Variants in ZNF347 observed in about 807,000 individuals in gnomAD.
ZNF347 encodes CTD-2620I22.7.
A neutral mutation model predicts 12.9 loss-of-function variants in ZNF347; 19 were observed. That is an observed-to-expected ratio of 1.47 (90% CI 1.03 to 2.16). The LOEUF (loss-of-function observed/expected upper bound fraction) is 2.16, where lower values mean the gene tolerates loss of function less well. Among genes scored for constraint, ZNF347 ranks in the 30% most tolerant of loss-of-function variants. ZNF347 has a pLI of 0.00. For synonymous variants in ZNF347, 328 were observed against 340.6 expected (o/e 0.96, Z 0.41); for missense variants, 1,005 against 990.6 (o/e 1.01, Z -0.19).
At chr19:53,148,978 A>G (rs2090480645) in intron 3 of ZNF347, 169 bp from the exon 4 acceptor site, 1 of 1,091,520 alleles carries the variant, frequency 9.2e-7, no homozygotes, top group Non-Finnish European at 1.3e-6. Flanking sequence ...ATATGCAAAT[A>G]TATAGCTCTC....
At chr19:53,148,136 A>C (rs148034979) in intron 4 of ZNF347, among the ~76,000 whole-genome samples, 1,916 of 152,312 alleles carry the variant, frequency 0.013, 46 homozygotes, top group African/African-American at 0.044. Context: ...TATTCAACAT[A>C]GCATTGATGT....
chr19:53,155,447 C>T (rs1398656588), intron 1 of ZNF347, among the ~76,000 whole-genome samples: 1 of 151,942 alleles, frequency 6.6e-6, no homozygotes, highest in Non-Finnish European at 1.5e-5. Context: ...ATTCTCTCAC[C>T]TCAGCCTTGC....
At chr19:53,143,909 T>C (rs928073788) in intron 4 of ZNF347, among the ~76,000 whole-genome samples, 27 of 152,338 alleles carry the variant, frequency 1.8e-4, no homozygotes, top group Non-Finnish European at 3.4e-4. Flanking sequence ...GACTTTTTAA[T>C]GATCGCCATT....
At chr19:53,151,487 G>A (rs972568215) in intron 2 of ZNF347, among the ~76,000 whole-genome samples, 8 of 145,206 alleles carry the variant, frequency 5.5e-5, no homozygotes, top group African/African-American at 2.1e-4. Context: ...GCAGTGAACC[G>A]AGACTGTGCC....
intron 1 of ZNF347, among the ~76,000 whole-genome samples, chr19:53,154,019 C>T (rs2090515653): frequency 6.6e-6 from 1 of 152,114 alleles, no homozygotes; most frequent in African/African-American, 2.4e-5. Context: ...CCCCTTTCTT[C>T]AGAACCCACT....
chr19:53,146,696 A>C (rs2090465516), intron 4 of ZNF347, among the ~76,000 whole-genome samples: 7 of 152,190 alleles, frequency 4.6e-5, no homozygotes, highest in Admixed American at 4.6e-4. Flanking sequence ...AAAACATTAG[A>C]ACTGATACCA....
At position 53,142,430 on chromosome 19, in the gene ZNF347, TC is replaced by T. The variant is rs770939021; in HGVS notation, c.397del (p.Glu133LysfsTer25). On this transcript the variant is annotated frameshift_variant, in exon 5 of 5. Transcript: ENST00000334197. LOFTEE classifies it low-confidence loss of function (END_TRUNC). ...SQDIEGCSFR[E>X]VQKNTHGLEY... ...AAGGCCATGTGTATTTTTCTGGACT[TC>T]CCTGAAGGAACATCCTTCAATGTCT... is the stretch of plus-strand genomic sequence containing the variant. 217 of 1,614,030 alleles carry T rather than the reference TC, an allele frequency of 1.3e-4. No individual in the cohort carries two copies. Among genetic ancestry groups the T allele is most frequent in the Non-Finnish European group, 1.8e-4 (213 of 1,180,012 alleles).
chr19:53,152,669 G>A (rs941071510), intron 2 of ZNF347, among the ~76,000 whole-genome samples: 4 of 152,030 alleles, frequency 2.6e-5, no homozygotes, highest in Admixed American at 2.6e-4. Flanking sequence ...AGTGGCTCAC[G>A]CCTGTAATCC....
intron 3 of ZNF347, 107 bp from the exon 4 acceptor site, chr19:53,148,916 T>C: frequency 7.1e-7 from 1 of 1,415,778 alleles, no homozygotes; most frequent in Non-Finnish European, 9.5e-7. Flanking sequence ...AAAAAACACT[T>C]CAAAAATTCA....
chr19:53,149,511 C>T, intron 2 of ZNF347, 144 bp from the exon 3 acceptor site: 1 of 1,430,290 alleles, frequency 7.0e-7, no homozygotes. Context: ...TGGTCTTCAT[C>T]CCCCTTTCCT....
intron 2 of ZNF347, among the ~76,000 whole-genome samples, chr19:53,151,298 G>A (rs368322679): frequency 1.3e-5 from 2 of 152,220 alleles, no homozygotes; most frequent in African/African-American, 4.8e-5. Flanking sequence ...CACTTTGGAA[G>A]GTCGAGGCAG....
chr19:53,142,487 T>C lies in ZNF347; in HGVS notation c.341A>G (p.Gln114Arg). The part of the protein sequence containing the change: ...KGKSNTGEVF[Q>R]TVMLERQESQ... ...TTCCTGTCTTTCCAACATCACTGTT[T>C]GGAATACTTCTCCTGTATTACTCTT... Residue 114 changes from glutamine (Q) to arginine (R), a missense_variant, in exon 5 of 5, where the codon CAA (glutamine) becomes CGA (arginine). Transcript: ENST00000334197. 1.9e-6 allele frequency: 3 copies of C among 1,613,880 alleles called. No homozygotes were observed. Among genetic ancestry groups the C allele is most frequent in the Non-Finnish European group, 2.5e-6 (3 of 1,179,918 alleles).
At chr19:53,149,711 C>T (rs1019131369) in intron 2 of ZNF347, among the ~76,000 whole-genome samples, 3 of 152,146 alleles carry the variant, frequency 2.0e-5, no homozygotes, top group African/African-American at 7.2e-5. Context: ...GGGCTGAAGG[C>T]TCGGCTGATC....
chr19:53,153,454 C>T (rs1249363832), intron 2 of ZNF347, among the ~76,000 whole-genome samples: 1 of 152,168 alleles, frequency 6.6e-6, no homozygotes, highest in East Asian at 1.9e-4. Flanking sequence ...TGCTGCCCAA[C>T]AGCACTGACA....
At chr19:53,151,825 TG>T (rs2090499989) in intron 2 of ZNF347, among the ~76,000 whole-genome samples, 1 of 152,096 alleles carries the variant, frequency 6.6e-6, no homozygotes, top group African/African-American at 2.4e-5. Context: ...CTGGGTGCAG[TG>T]GCTCACACCT....
intron 1 of ZNF347, among the ~76,000 whole-genome samples, chr19:53,155,832 C>G (rs1376806935): frequency 1.6e-4 from 24 of 152,162 alleles, no homozygotes; most frequent in Admixed American, 1.4e-3. Flanking sequence ...GAAGCAGGAA[C>G]AGGCCATTCC....
rs183343845 is a variant in ZNF347 at position 53,143,936 on chromosome 19, G to A, written c.272-1380C>T. 5.6e-3 allele frequency among the ~76,000 whole-genome samples: 850 copies of A among 152,198 alleles called. 10 individuals are homozygous for A. The highest frequency in any genetic ancestry group is 0.019 in the African/African-American group (805 of 41,520). ...ATCGCCATTCTAACTGGTGTGAGAC[G>A]TAAGCCTTATTTTATGGTCACCACA... is the stretch of plus-strand genomic sequence containing the variant. On this transcript the variant is annotated intron_variant, in intron 4 of 4. Coordinates refer to ENST00000334197, the MANE Select transcript of ZNF347 (RefSeq NM_032584.3).
At chr19:53,153,392 C>G (rs1301964081) in intron 2 of ZNF347, among the ~76,000 whole-genome samples, 1 of 152,178 alleles carries the variant, frequency 6.6e-6, no homozygotes, top group Non-Finnish European at 1.5e-5. Context: ...TGCTCTAATC[C>G]TGCTCCACAG....
chr19:53,148,886 G>C, intron 3 of ZNF347, 77 bp from the exon 4 acceptor site: 1 of 1,530,198 alleles, frequency 6.5e-7, no homozygotes, highest in South Asian at 1.3e-5. Context: ...TGAGGAGGGA[G>C]GACTTTACAG....
Sources: allele counts gnomAD v4.1 joint callset (sites outside exome capture counted in the v4.1 genomes callset), GRCh38; gene constraint gnomAD v4.1.1; transcripts MANE v1.5; gene names NCBI Gene and HGNC (gene_info 2026-07-23, HGNC 2026-07-21).